ATAD2B: variants seen among roughly 807,000 people sequenced by gnomAD.
ATAD2B encodes the protein ATPase family AAA domain-containing protein 2B.
Under a neutral mutation model 167.6 loss-of-function variants are expected in ATAD2B, and 40 were observed. The ratio of observed to expected loss-of-function variants is 0.24; its 90% CI spans 0.19 to 0.31. ATAD2B has a LOEUF of 0.31. Ranked by LOEUF, ATAD2B falls within the 10% of genes least tolerant of loss-of-function variation. The pLI is 1.00. For synonymous variants in ATAD2B, 579 were observed against 596.5 expected (o/e 0.97, Z 0.43); for missense variants, 1,242 against 1,757.2 (o/e 0.71, Z 5.24).
At chr2:23,784,612 G>C (rs1429714519) in intron 21 of ATAD2B, among the ~76,000 whole-genome samples, 5 of 152,116 alleles carry the variant, frequency 3.3e-5, no homozygotes, top group African/African-American at 1.2e-4. Context: ...TTTACTCTCA[G>C]CATGGGAAGT....
chr2:23,763,802 G>A (rs533570546), intron 23 of ATAD2B, among the ~76,000 whole-genome samples: 1 of 152,178 alleles, frequency 6.6e-6, no homozygotes, highest in Non-Finnish European at 1.5e-5. Context: ...ATGTTGCCCA[G>A]GCTGGTCTCA....
chr2:23,841,996 T>G (rs1405467653), intron 13 of ATAD2B, among the ~76,000 whole-genome samples: 2 of 152,214 alleles, frequency 1.3e-5, no homozygotes, highest in Non-Finnish European at 2.9e-5. Context: ...TTTGAACCTT[T>G]TTGTATCCTT....
chr2:23,892,088 C>G (rs6714606), intron 2 of ATAD2B, among the ~76,000 whole-genome samples: 4 of 152,210 alleles, frequency 2.6e-5, no homozygotes, highest in African/African-American at 9.6e-5. Flanking sequence ...ATACTTCTGC[C>G]TCACCTCACT....
the ATAD2B span, among the ~76,000 whole-genome samples, chr2:23,681,661 G>A: frequency 6.6e-6 from 1 of 152,248 alleles, no homozygotes; most frequent in Non-Finnish European, 1.5e-5. This position sits in a 1 kb window ranked among gnomAD's most constrained non-coding sequence, Gnocchi z 4.2. Context: ...GGAAACAGAG[G>A]CCCAGAAAGC....
chr2:23,918,073 G>A (rs1393969714), intron 1 of ATAD2B, among the ~76,000 whole-genome samples: 1 of 151,672 alleles, frequency 6.6e-6, no homozygotes, highest in Non-Finnish European at 1.5e-5. Context: ...AGAAAAGAAA[G>A]AGAAAAATAT....
chr2:23,805,795 T>TAAAAAAAAAAAAAAAAAAAAAAA (rs3030816), intron 18 of ATAD2B, among the ~76,000 whole-genome samples: 1 of 100,968 alleles, frequency 9.9e-6, no homozygotes, highest in African/African-American at 3.4e-5. Flanking sequence ...TATCAAGCTT[T>TAAAAAAAAAAAAAAAAAAAAAAA]AAAAAAAAAA....
intron 18 of ATAD2B, among the ~76,000 whole-genome samples, 180 bp from the exon 19 acceptor site, chr2:23,798,503 CAAAA>C (rs199838286): frequency 7.5e-6 from 1 of 133,716 alleles, no homozygotes. Flanking sequence ...CTTGCCCCAC[CAAAA>C]AAAAAAAAAG....
At position 23,808,090 on chromosome 2, in the gene ATAD2B, T is replaced by TTATATATATTATATATAATATATA. The variant is rs1553398306; in HGVS notation, c.2454+2225_2454+2226insTATATATTATATATAATATATATA. On this transcript the variant is annotated intron_variant, in intron 18 of 27. Coordinates refer to ENST00000238789, the MANE Select transcript of ATAD2B (RefSeq NM_017552.4). Reference sequence around the variant, plus strand: ...TATAATATATAAGTAATTATATATATAATTATATATATAAGTAATTATATA... The same window carrying TTATATATATTATATATAATATATA: ...TATAATATATAAGTAATTATATATATTATATATATTATATATAATATATAAATTATATATATAAGTAATTATATA... Among the ~76,000 whole-genome samples, 6 of 134,890 alleles carry TTATATATATTATATATAATATATA rather than the reference T, an allele frequency of 4.4e-5. No individual in the cohort carries two copies. In the East Asian group the frequency reaches 1.2e-3, roughly 27 times the overall value. The allele number at this position is 134,890 out of a possible 152,430, so 88.5% of individuals were successfully genotyped here. A position where few individuals can be genotyped will look rare whatever the true frequency, so the allele number is the denominator to read the frequency against.
chr2:23,735,986 G>T, the ATAD2B span, among the ~76,000 whole-genome samples: 1 of 152,144 alleles, frequency 6.6e-6, no homozygotes, highest in African/African-American at 2.4e-5. Context: ...AGGTAGGAGA[G>T]AACAAAAGGA....
the ATAD2B span, among the ~76,000 whole-genome samples, chr2:23,715,863 T>G: frequency 6.6e-6 from 1 of 152,244 alleles, no homozygotes; most frequent in African/African-American, 2.4e-5. Context: ...TATTAAAGTA[T>G]GATAAACTAC....
chr2:23,920,209 C>G (rs983264643), intron 1 of ATAD2B, among the ~76,000 whole-genome samples: 1 of 151,904 alleles, frequency 6.6e-6, no homozygotes, highest in Non-Finnish European at 1.5e-5. Context: ...TCTAGGCACT[C>G]AGGATACAGG....
intron 8 of ATAD2B, 83 bp downstream of exon 8, chr2:23,875,746 G>A (rs1696728039): frequency 6.8e-6 from 6 of 886,872 alleles, no homozygotes; most frequent in Non-Finnish European, 1.1e-5. Flanking sequence ...GATGACAACT[G>A]TTAGTCACTA....
At chr2:23,773,953 G>T (rs1678718135) in intron 22 of ATAD2B, among the ~76,000 whole-genome samples, 1 of 152,124 alleles carries the variant, frequency 6.6e-6, no homozygotes, top group Admixed American at 6.6e-5. Context: ...ATTAATAGAA[G>T]CAGTACTTTA....
chr2:23,844,084 A>AC (rs1197268750), intron 13 of ATAD2B, among the ~76,000 whole-genome samples: 2 of 151,998 alleles, frequency 1.3e-5, no homozygotes, highest in Non-Finnish European at 2.9e-5. Context: ...GATTACAGGC[A>AC]CCCGCCACCA....
At chr2:23,827,115 T>G (rs552139577) in intron 15 of ATAD2B, among the ~76,000 whole-genome samples, 220 of 152,180 alleles carry the variant, frequency 1.4e-3, no homozygotes, top group Non-Finnish European at 1.6e-3. Context: ...GTTTCTCAGA[T>G]GGAATGAATG....
chr2:23,837,926 T>C (rs987638351), intron 13 of ATAD2B, among the ~76,000 whole-genome samples: 1 of 152,228 alleles, frequency 6.6e-6, no homozygotes, highest in African/African-American at 2.4e-5. Flanking sequence ...AAGTGTTTCA[T>C]GCCTAATTAT....
intron 13 of ATAD2B, among the ~76,000 whole-genome samples, chr2:23,838,273 T>G (rs962224476): frequency 4.6e-5 from 7 of 152,202 alleles, no homozygotes; most frequent in African/African-American, 1.7e-4. Flanking sequence ...TAAATTCATA[T>G]TTAACCTCCA....
At chr2:23,910,172 T>A (rs1310092779) in intron 1 of ATAD2B, among the ~76,000 whole-genome samples, 1 of 139,264 alleles carries the variant, frequency 7.2e-6, no homozygotes, top group East Asian at 2.1e-4. Flanking sequence ...TCTTGCATAC[T>A]CTTTTTTTTT....
rs567330199 is a variant in ATAD2B, at chr2:23,881,463, G to A, written c.785-708C>T. ...TGCAACCTCTGACTCCTAGATTCAA[G>A]CAATTCTCCTGCCTCAGCCTCCCGA... On this transcript the variant is annotated intron_variant, in intron 6 of 27. Coordinates refer to ENST00000238789, the MANE Select transcript of ATAD2B (RefSeq NM_017552.4). Among the ~76,000 whole-genome samples, 89 of 145,582 alleles carry A rather than the reference G, an allele frequency of 6.1e-4. 1 individual carries two copies. In the South Asian group the frequency reaches 0.014, roughly 22 times the overall value.
Sources: gnomAD v4.1 joint callset for allele counts (sites outside exome capture counted in the v4.1 genomes callset) on GRCh38, gnomAD v4.1.1 for gene constraint, Gnocchi (gnomAD v3.1) non-coding constraint, MANE v1.5 for transcripts, NCBI Gene and HGNC (gene_info 2026-07-23, HGNC 2026-07-21) for gene names.